The following EGFLAM variants were observed in gnomAD, a reference collection of about 807,000 sequenced individuals.
The protein encoded by EGFLAM is EGF like, fibronectin type III and laminin G domains, also known as pikachurin.
In EGFLAM, 79 loss-of-function variants were observed where a neutral mutation model predicts 113.1. That is an observed-to-expected ratio of 0.70 (90% CI 0.58 to 0.84). The LOEUF is 0.84. EGFLAM is among the 40% of genes least tolerant of loss of function. EGFLAM has a pLI of 0.00. For missense variants in EGFLAM, 1,265 were observed against 1,291.6 expected (o/e 0.98, Z 0.32); for synonymous variants, 504 against 487.6 (o/e 1.03, Z -0.44).
rs150346557 is a variant in EGFLAM, at chr5:38,361,748, G to A, written c.546-8548G>A. Among the ~76,000 whole-genome samples the A allele has an allele frequency of 1.6e-3, 250 of 152,306 alleles. 1 individual carries two copies. Among genetic ancestry groups the A allele is most frequent in the African/African-American group, 5.9e-3 (244 of 41,560 alleles). Reference sequence around the variant, plus strand: ...GTTGGACAAGCTTGATCTAGAGGATGCCAGCAACTAGCTGGATCCCTGAGC... The same window carrying A: ...GTTGGACAAGCTTGATCTAGAGGATACCAGCAACTAGCTGGATCCCTGAGC... On this transcript the variant is annotated intron_variant, in intron 5 of 21. Transcript: ENST00000322350.
chr5:38,450,410 C>A (rs565375607), intron 18 of EGFLAM, among the ~76,000 whole-genome samples: 19 of 152,318 alleles, frequency 1.2e-4, no homozygotes, highest in Non-Finnish European at 2.5e-4. Flanking sequence ...ATAGTTCCCT[C>A]CACTGTTCAC....
chr5:38,329,167 T>G (rs973753504), intron 1 of EGFLAM, among the ~76,000 whole-genome samples: 1 of 151,994 alleles, frequency 6.6e-6, no homozygotes, highest in African/African-American at 2.4e-5. Flanking sequence ...CACGTGACTG[T>G]AGTCCCAGCT....
At chr5:38,301,187 G>T (rs7736358) in intron 1 of EGFLAM, among the ~76,000 whole-genome samples, 24,379 of 152,050 alleles carry the variant, frequency 0.16, 2,156 homozygotes, top group Middle Eastern at 0.27. Flanking sequence ...AAATGAAGAA[G>T]CCAGAGAGAT....
At chr5:38,371,346 G>A (rs1346090401) in intron 6 of EGFLAM, among the ~76,000 whole-genome samples, 2 of 152,114 alleles carry the variant, frequency 1.3e-5, no homozygotes, top group South Asian at 2.1e-4. Context: ...AGCAGCACTG[G>A]TAACTGGCTT....
At chr5:38,406,462 G>A (rs1561072660) in intron 7 of EGFLAM, among the ~76,000 whole-genome samples, 2 of 152,064 alleles carry the variant, frequency 1.3e-5, no homozygotes, top group Admixed American at 6.6e-5. Context: ...TCCTGCCTGC[G>A]GACTTCACAA....
chr5:38,311,285 A>G (rs1341990544), intron 1 of EGFLAM, among the ~76,000 whole-genome samples: 2 of 152,116 alleles, frequency 1.3e-5, no homozygotes, highest in Non-Finnish European at 2.9e-5. Flanking sequence ...ATGTTGTACA[A>G]TAGACCTCTT....
In EGFLAM at chr5:38,403,994, T is replaced by C. The variant is rs1429166787; in HGVS notation, c.713-2132T>C. ...GAAGGGATGAGAACACCGCCTCCCC[T>C]TTGTTATCCCACCTCCACCAAGAAG... On this transcript the variant is annotated intron_variant, in intron 6 of 21. Coordinates refer to ENST00000322350, the MANE Select transcript of EGFLAM (RefSeq NM_152403.4). 3 of 1,601,072 alleles carry C rather than the reference T, an allele frequency of 1.9e-6. No homozygotes were observed. The Admixed American group carries it at 5.1e-5, about 27-fold the overall frequency.
intron 3 of EGFLAM, among the ~76,000 whole-genome samples, chr5:38,342,835 A>G (rs932467713): frequency 6.6e-6 from 1 of 152,210 alleles, no homozygotes; most frequent in Admixed American, 6.5e-5. Flanking sequence ...ATGCTACGGT[A>G]CTAATATATT....
chr5:38,438,036 T>C (rs1187412904), intron 16 of EGFLAM, among the ~76,000 whole-genome samples: 1 of 150,330 alleles, frequency 6.7e-6, no homozygotes, highest in Non-Finnish European at 1.5e-5. Flanking sequence ...GCAGGAGAAT[T>C]GCTTGAACCC....
chr5:38,305,131 C>A (rs1051704029), intron 1 of EGFLAM, among the ~76,000 whole-genome samples: 2 of 151,780 alleles, frequency 1.3e-5, no homozygotes, highest in African/African-American at 2.4e-5. Context: ...AGAGAAAAAA[C>A]CAAGGAGATA....
chr5:38,430,441 G>A (rs1742153097), intron 14 of EGFLAM, among the ~76,000 whole-genome samples: 1 of 152,156 alleles, frequency 6.6e-6, no homozygotes. Context: ...ACTGTATGAA[G>A]GCATCCAATA....
intron 1 of EGFLAM, among the ~76,000 whole-genome samples, chr5:38,262,596 T>C (rs1757527071): frequency 6.6e-6 from 1 of 152,246 alleles, no homozygotes; most frequent in Non-Finnish European, 1.5e-5. Flanking sequence ...ATATTTTGTG[T>C]CCACCCTCTG....
intron 6 of EGFLAM, among the ~76,000 whole-genome samples, chr5:38,405,698 G>A (rs759926042): frequency 3.9e-5 from 6 of 152,288 alleles, no homozygotes; most frequent in Non-Finnish European, 7.4e-5. Context: ...TGGTACACAG[G>A]TACAGGAGTT....
chr5:38,386,844 G>A (rs1454065318), intron 6 of EGFLAM, among the ~76,000 whole-genome samples: 1 of 152,158 alleles, frequency 6.6e-6, no homozygotes, highest in African/African-American at 2.4e-5. Flanking sequence ...GAAAAGAGCT[G>A]AGACAGCCCT....
intron 6 of EGFLAM, among the ~76,000 whole-genome samples, chr5:38,380,039 G>A (rs1464862920): frequency 1.3e-5 from 2 of 152,178 alleles, no homozygotes; most frequent in Non-Finnish European, 1.5e-5. Context: ...ATACATGGCT[G>A]TATTCCAATA....
rs751673542 is a variant in EGFLAM at position 38,370,254 on chromosome 5, A to G, written c.546-42A>G. 5.7e-6 allele frequency: 9 copies of G among 1,591,812 alleles called. No individual in the cohort carries two copies. The Admixed American group carries it at 1.0e-4, about 18-fold the overall frequency. ...CCAGCTAGCTTCCCTTCCCTCTGGT[A>G]TTTCTGAACTACTGCTTCTTCTGTT... On this transcript the variant is annotated intron_variant, in intron 5 of 21. Transcript: ENST00000322350.
intron 1 of EGFLAM, among the ~76,000 whole-genome samples, chr5:38,299,515 G>A (rs2111820987): frequency 6.6e-6 from 1 of 152,244 alleles, no homozygotes; most frequent in Admixed American, 6.5e-5. Context: ...TGGGTCATGG[G>A]GGCGGATCCC....
At position 38,435,931 on chromosome 5, in the gene EGFLAM, C is replaced by A. The variant is rs186450285; in HGVS notation, c.2283+678C>A. Reference sequence around the variant, plus strand: ...CTCCTGGGTTCAAGCGATTCTCCTGCCTTAGCCTCCCGAATAGCTGGGATT... The same window carrying A: ...CTCCTGGGTTCAAGCGATTCTCCTGACTTAGCCTCCCGAATAGCTGGGATT... On this transcript the variant is annotated intron_variant, in intron 16 of 21. Transcript: ENST00000322350. 9.8e-4 allele frequency among the ~76,000 whole-genome samples: 148 copies of A among 150,704 alleles called. 2 individuals are homozygous for A. The East Asian group carries it at 0.028, about 28-fold the overall frequency.
At chr5:38,454,423 T>C (rs1743021228) in intron 19 of EGFLAM, among the ~76,000 whole-genome samples, 1 of 152,110 alleles carries the variant, frequency 6.6e-6, no homozygotes, top group South Asian at 2.1e-4. Flanking sequence ...CAGGGTTCGC[T>C]GTAAAGATTA....
Sources: gnomAD v4.1 joint callset for allele counts (sites outside exome capture counted in the v4.1 genomes callset) on GRCh38, gnomAD v4.1.1 for gene constraint, MANE v1.5 for transcripts, NCBI Gene and HGNC (gene_info 2026-07-23, HGNC 2026-07-21) for gene names.